Variants in KRT8 observed in about 807,000 individuals in gnomAD.
KRT8 encodes the protein keratin, type II cytoskeletal 8.
In KRT8, 24 loss-of-function variants were observed where a neutral mutation model predicts 43.0. That is an observed-to-expected ratio of 0.56 (90% CI 0.40 to 0.78). The LOEUF is 0.78. Among genes scored for constraint, KRT8 ranks in the 30% least tolerant of loss-of-function variants. KRT8 has a pLI of 0.00. For synonymous variants in KRT8, 214 were observed against 261.2 expected (o/e 0.82, Z 1.74); for missense variants, 492 against 638.4 (o/e 0.77, Z 2.47).
intron 2 of KRT8, among the ~76,000 whole-genome samples, chr12:52,941,730 C>T (rs551972261): frequency 2.6e-4 from 39 of 152,088 alleles, no homozygotes; most frequent in African/African-American, 6.7e-4. Context: ...TCAGGTGATC[C>T]GCCCGCCTCA....
chr12:52,918,256 G>GAAGAAGAAGAAGAAGAAGAAA (rs1363578951), intron 2 of KRT8, among the ~76,000 whole-genome samples: 4 of 150,148 alleles, frequency 2.7e-5, no homozygotes, highest in Admixed American at 1.3e-4. Flanking sequence ...AGAAGAAGAA[G>GAAGAAGAAGAAGAAGAAGAAA]AAACAAAACA....
intron 2 of KRT8, among the ~76,000 whole-genome samples, chr12:52,922,184 T>TAAAAAAAAAAAAAA (rs57023136): frequency 1.0e-4 from 4 of 38,728 alleles, no homozygotes; most frequent in Non-Finnish European, 1.3e-4. Context: ...ACCCTGTCTC[T>TAAAAAAAAAAAAAA]AAAAAAAAAA....
At position 52,902,000 on chromosome 12, in the gene KRT8, G is replaced by A. The variant is rs141850020; in HGVS notation, c.397C>T (p.Arg133Ter). ...TCGAACATGTTGTCCATGTTGCTTCGAGCCGTCTTCTGCTGCTGCAGGAGG... is the reference window on the plus strand; with the variant it reads ...TCGAACATGTTGTCCATGTTGCTTCAAGCCGTCTTCTGCTGCTGCAGGAGG... Residue 133 changes from arginine (R) to a stop codon, truncating the protein, a stop_gained, in exon 2 of 8, where the codon CGA (arginine) becomes TGA (stop). Coordinates refer to ENST00000692008, the Ensembl canonical transcript of KRT8. LOFTEE classifies it high-confidence loss of function. 21 of 1,603,698 alleles carry A rather than the reference G, an allele frequency of 1.3e-5. No homozygotes were observed. The highest frequency in any genetic ancestry group is 1.7e-5 in the Admixed American group (1 of 59,990).
intron 2 of KRT8, among the ~76,000 whole-genome samples, chr12:52,913,318 T>C (rs1565723142): frequency 6.6e-6 from 1 of 152,132 alleles, no homozygotes; most frequent in Non-Finnish European, 1.5e-5. Flanking sequence ...TCCTCTGATA[T>C]TGCAGGGTGG....
chr12:52,945,024 G>T (rs1320338149), intron 2 of KRT8, among the ~76,000 whole-genome samples: 2 of 152,096 alleles, frequency 1.3e-5, no homozygotes, highest in Non-Finnish European at 2.9e-5. Flanking sequence ...GACCCCCACT[G>T]ACCTCTCCTA....
intron 4 of KRT8, 135 bp from the exon 5 acceptor site, chr12:52,900,200 G>C: frequency 1.2e-6 from 1 of 840,968 alleles, no homozygotes; most frequent in Non-Finnish European, 1.8e-6. Flanking sequence ...GTCAGGGAGA[G>C]GGCAAAGTTC....
At chr12:52,920,785 T>G (rs1941867521) in intron 2 of KRT8, among the ~76,000 whole-genome samples, 2 of 152,162 alleles carry the variant, frequency 1.3e-5, no homozygotes, top group South Asian at 4.1e-4. Context: ...CTCACACCTG[T>G]AATCCCAGTA....
intron 2 of KRT8, among the ~76,000 whole-genome samples, chr12:52,936,201 G>A (rs1378764902): frequency 1.3e-5 from 2 of 152,012 alleles, no homozygotes; most frequent in Non-Finnish European, 1.5e-5. Flanking sequence ...GCGGTGAGCT[G>A]AGATCATGCC....
At chr12:52,937,687 C>T (rs1460845470) in intron 2 of KRT8, among the ~76,000 whole-genome samples, 2 of 90,136 alleles carry the variant, frequency 2.2e-5, no homozygotes, top group South Asian at 7.0e-4. Context: ...AACTCTGTCT[C>T]AAAAAAAAAA....
intron 2 of KRT8, chr12:52,901,610 T>C (rs1799872): frequency 0.53 from 310,115 of 585,554 alleles, 83,973 homozygotes; most frequent in South Asian, 0.7. Context: ...AGGTTTACCA[T>C]GTCAACATTG....
In KRT8 at chr12:52,901,012, C is replaced by G. The variant is rs1413611137; in HGVS notation, c.594+147G>C. ...AATGCACCTACCACTCCATCCTTGT[C>G]TACCTTTCTGTGCACCCAAATGTTT... On this transcript the variant is annotated intron_variant, in intron 3 of 7. Coordinates refer to ENST00000692008, the Ensembl canonical transcript of KRT8. 3 of 764,584 alleles carry G rather than the reference C, an allele frequency of 3.9e-6. No individual in the cohort carries two copies. The Admixed American group carries it at 5.2e-5, about 13-fold the overall frequency. 47.4% of individuals were successfully genotyped at this position (764,584 alleles called of 1,614,324 possible).
intron 5 of KRT8, 88 bp downstream of exon 5, chr12:52,899,687 G>T: frequency 1.6e-6 from 2 of 1,229,336 alleles, no homozygotes; most frequent in Non-Finnish European, 2.3e-6. Context: ...TTCCTTCCCC[G>T]ACTCCCAGAA....
rs150017616 is a variant in KRT8, at chr12:52,912,855, G to T, written c.-46-7828C>A. Reference sequence around the variant, plus strand: ...GCTGTGGACACTCAGAGAGCTGATGGCCTAATATGTCTCACAGTCATAGCC... The same window carrying T: ...GCTGTGGACACTCAGAGAGCTGATGTCCTAATATGTCTCACAGTCATAGCC... On this transcript the variant is annotated intron_variant, in intron 2 of 6. Coordinates refer to the KRT8 transcript ENST00000546826. Among the ~76,000 whole-genome samples, 117 of 152,344 alleles carry T rather than the reference G, an allele frequency of 7.7e-4. 1 individual carries two copies. Among genetic ancestry groups the T allele is most frequent in the Admixed American group, 1.8e-3 (27 of 15,296 alleles).
At position 52,918,662 on chromosome 12, in the gene KRT8, A is replaced by C. The variant is rs1156374309; in HGVS notation, c.-46-13635T>G. Reference sequence around the variant, plus strand: ...CCAGCTGAAAATGCAGATAGTAACAACTACCTCAGAAGACTGACATGATCA... The same window carrying C: ...CCAGCTGAAAATGCAGATAGTAACACCTACCTCAGAAGACTGACATGATCA... On this transcript the variant is annotated intron_variant, in intron 2 of 6. Coordinates refer to the KRT8 transcript ENST00000546826. Among the ~76,000 whole-genome samples, 5 of 152,246 alleles carry C rather than the reference A, an allele frequency of 3.3e-5. No individual in the cohort carries two copies. The East Asian group carries it at 5.8e-4, about 18-fold the overall frequency.
In KRT8 at chr12:52,897,520, G is replaced by A. The variant is rs267607479; in HGVS notation, c.1360C>T (p.Arg454Cys). 6.3e-6 allele frequency: 10 copies of A among 1,598,606 alleles called. No homozygotes were observed. Among genetic ancestry groups the A allele is most frequent in the Admixed American group, 5.0e-5 (3 of 60,004 alleles). Residue 454 changes from arginine (R) to cysteine (C), a missense_variant, in exon 8 of 8, where the codon CGC becomes TGC. Physicochemically the swap from Arg to Cys is radical, Grantham distance 180 (BLOSUM62 -3). Coordinates refer to ENST00000692008, the Ensembl canonical transcript of KRT8. ...ACCACGGCCCTGGAGGAGCTGGTGCGGCTGAAGGAGCTGGAGCCCGCGCCA... is the reference window on the plus strand; with the variant it reads ...ACCACGGCCCTGGAGGAGCTGGTGCAGCTGAAGGAGCTGGAGCCCGCGCCA...
At chr12:52,897,715 G>A (rs1212392319) in intron 7 of KRT8, 97 bp from the exon 8 acceptor site, 1 of 1,540,886 alleles carries the variant, frequency 6.5e-7, no homozygotes, top group African/African-American at 1.4e-5. Flanking sequence ...TAGCCCCAGG[G>A]ATGGGAGGTT....
intron 2 of KRT8, among the ~76,000 whole-genome samples, chr12:52,943,284 C>G (rs2055037): frequency 0.47 from 71,648 of 151,966 alleles, 17,274 homozygotes; most frequent in Middle Eastern, 0.55. Context: ...GTCCACACCC[C>G]GGCTCCAGGC....
At position 52,937,197 on chromosome 12, in the gene KRT8, C is replaced by T. The variant is rs949151510; in HGVS notation, c.-47+12259G>A. The stretch of plus-strand genomic sequence containing the variant: ...ACCAACCTGGGCAACACCGTGAAAC[C>T]CTGTCTCTACTGAAATACAAAAAAC... On this transcript the variant is annotated intron_variant, in intron 2 of 6. Transcript: ENST00000546826. Among the ~76,000 whole-genome samples the T allele has an allele frequency of 5.3e-5, 8 of 150,916 alleles. No individual in the cohort carries two copies. In the Admixed American group the frequency reaches 5.3e-4, roughly 10 times the overall value.
intron 2 of KRT8, among the ~76,000 whole-genome samples, chr12:52,933,714 T>C (rs1273052427): frequency 2.0e-5 from 3 of 151,986 alleles, no homozygotes; most frequent in Admixed American, 1.3e-4. Context: ...AAACTCCGCC[T>C]CCCGGGTTCA....
Sources: gnomAD v4.1 joint callset for allele counts (sites outside exome capture counted in the v4.1 genomes callset) on GRCh38, gnomAD v4.1.1 for gene constraint, MANE v1.5 for transcripts, NCBI Gene and HGNC (gene_info 2026-07-23, HGNC 2026-07-21) for gene names.